Variants in FXR1 observed in about 807,000 individuals in gnomAD.
FXR1 encodes the protein FMR1 autosomal homolog 1, also known as RNA-binding protein FXR1.
In FXR1, 15 loss-of-function variants were observed where a neutral mutation model predicts 84.0. The observed-to-expected ratio is 0.18, with a 90% CI of 0.12 to 0.27. The LOEUF is 0.27. Ranked by LOEUF, FXR1 falls within the 10% of genes least tolerant of loss-of-function variation. The pLI, the probability that FXR1 is intolerant of heterozygous loss-of-function variation, is 1.00. For synonymous variants in FXR1, 245 were observed against 250.7 expected (o/e 0.98, Z 0.21); for missense variants, 480 against 774.4 (o/e 0.62, Z 4.51).
intron 1 of FXR1, among the ~76,000 whole-genome samples, chr3:180,929,769 A>G (rs1193836363): frequency 1.3e-5 from 2 of 152,256 alleles, no homozygotes; most frequent in Admixed American, 1.3e-4. Flanking sequence ...AAAAGTATTG[A>G]CTGTGTCCTG....
chr3:180,928,455 A>G (rs1486084661), intron 1 of FXR1, among the ~76,000 whole-genome samples: 5 of 146,848 alleles, frequency 3.4e-5, no homozygotes, highest in African/African-American at 1.3e-4. Context: ...AAACACATAC[A>G]CACTGTTAAT....
At chr3:180,935,009 T>C (rs922853440) in intron 2 of FXR1, 129 bp from the exon 3 acceptor site, 5 of 543,928 alleles carry the variant, frequency 9.2e-6, no homozygotes, top group Non-Finnish European at 1.7e-5. Context: ...GGGAAATTAT[T>C]AATAGTATGA....
At position 180,977,176 on chromosome 3, in the gene FXR1, C is replaced by A. The variant is rs1714325060; in HGVS notation, c.*884C>A. 2 of 141,864 alleles carry A rather than the reference C, an allele frequency of 1.4e-5. No homozygotes were observed. Among genetic ancestry groups the A allele is most frequent in the African/African-American group, 5.3e-5 (2 of 37,938 alleles). 8.8% of individuals were successfully genotyped at this position (141,864 alleles called of 1,614,324 possible). On this transcript the variant is annotated 3_prime_UTR_variant, in exon 17 of 17. Transcript: ENST00000357559. ...CCATTTGCTGAATTTTTTTAACTTT[C>A]TACTTTTTACACCAATTGTTGCAAA...
At chr3:180,924,342 A>G (rs1267340599) in intron 1 of FXR1, among the ~76,000 whole-genome samples, 1 of 152,162 alleles carries the variant, frequency 6.6e-6, no homozygotes, top group African/African-American at 2.4e-5. Flanking sequence ...CATTCTAGAT[A>G]TATGTGAGAG....
intron 7 of FXR1, among the ~76,000 whole-genome samples, chr3:180,951,080 G>A (rs1722189387): frequency 6.6e-6 from 1 of 151,902 alleles, no homozygotes; most frequent in Non-Finnish European, 1.5e-5. Flanking sequence ...AAAATTAGCT[G>A]GGCTCAGTGG....
At chr3:180,934,134 A>G (rs17537540) in intron 2 of FXR1, among the ~76,000 whole-genome samples, 1,842 of 152,198 alleles carry the variant, frequency 0.012, 27 homozygotes, top group South Asian at 0.033. Context: ...TGTTTAATTG[A>G]TGGTCAGAAA....
Position 180,975,360 on chromosome 3 carries a change from A to G in FXR1, c.1651A>G (p.Arg551Gly). Residue 551 changes from arginine (R) to glycine (G), a missense_variant, in exon 16 of 17, where the codon AGA becomes GGA. By Grantham distance (125) the Arg-to-Gly change is moderately radical. Coordinates refer to ENST00000357559, the MANE Select transcript of FXR1 (RefSeq NM_005087.4). ...TAGAGCTGAGTCTCAGAGCAGACAA[A>G]GAAACCTCCCAAGGGAAACTTTGGC... Reference protein sequence around the residue: ...ISRAESQSRQRNLPRETLAKN... With the variant: ...ISRAESQSRQGNLPRETLAKN... 1.3e-6 allele frequency: 2 copies of G among 1,550,188 alleles called. No homozygotes were observed. The highest frequency in any genetic ancestry group is 1.2e-5 in the South Asian group (1 of 86,410).
intron 1 of FXR1, among the ~76,000 whole-genome samples, chr3:180,914,409 T>G (rs930594014): frequency 1.3e-5 from 2 of 152,166 alleles, no homozygotes; most frequent in African/African-American, 4.8e-5. Context: ...TATTTGGCCC[T>G]GTAGTTCTTG....
chr3:180,969,801 C>T (rs551099164), intron 14 of FXR1, among the ~76,000 whole-genome samples: 64 of 152,226 alleles, frequency 4.2e-4, no homozygotes, highest in African/African-American at 1.5e-3. Flanking sequence ...TGTTTCTTTT[C>T]ATTTTTGTTT....
chr3:180,951,875 T>C (rs1236161324), intron 8 of FXR1, among the ~76,000 whole-genome samples: 1 of 152,138 alleles, frequency 6.6e-6, no homozygotes, highest in African/African-American at 2.4e-5. Flanking sequence ...AATCATGACG[T>C]TTGCAGGGGT....
chr3:180,944,321 T>TGG (rs1196155348), intron 3 of FXR1, among the ~76,000 whole-genome samples: 3 of 143,460 alleles, frequency 2.1e-5, no homozygotes, highest in Admixed American at 6.9e-5. Flanking sequence ...AGGTCGTTAT[T>TGG]GGACCTTTTT....
intron 8 of FXR1, among the ~76,000 whole-genome samples, chr3:180,952,551 C>T (rs1388376348): frequency 6.6e-6 from 1 of 150,792 alleles, no homozygotes; most frequent in Non-Finnish European, 1.5e-5. Flanking sequence ...AGAGCAAGGT[C>T]CTGTCTTGTT....
intron 10 of FXR1, among the ~76,000 whole-genome samples, chr3:180,958,802 GA>G (rs1711680353): frequency 6.8e-6 from 1 of 146,474 alleles, no homozygotes; most frequent in African/African-American, 2.5e-5. Context: ...TGAAAGTATT[GA>G]CTTTTTTTTT....
intron 1 of FXR1, among the ~76,000 whole-genome samples, chr3:180,921,490 A>G (rs1718587359): frequency 6.6e-6 from 1 of 152,182 alleles, no homozygotes; most frequent in South Asian, 2.1e-4. Flanking sequence ...TTTACTTTGT[A>G]GATTTAGTTG....
Position 180,978,094 on chromosome 3 carries a change from A to T in FXR1, c.*1802A>T, listed in dbSNP as rs1242686431. 2 of 152,014 alleles carry T rather than the reference A, an allele frequency of 1.3e-5. No homozygotes were observed. Among genetic ancestry groups the T allele is most frequent in the East Asian group, 3.9e-4 (2 of 5,170 alleles). 9.4% of individuals were successfully genotyped at this position (152,014 alleles called of 1,614,324 possible). A position where few individuals can be genotyped will look rare whatever the true frequency, so the allele number is the denominator to read the frequency against. The stretch of plus-strand genomic sequence containing the variant: ...ATCGATCAAAGCTAGCAACAGGTTA[A>T]ATTGTCTCAGTTCTCTTACATAATT... On this transcript the variant is annotated 3_prime_UTR_variant, in exon 17 of 17. Coordinates refer to ENST00000357559, the MANE Select transcript of FXR1 (RefSeq NM_005087.4).
intron 9 of FXR1, among the ~76,000 whole-genome samples, chr3:180,956,189 C>T (rs1388663994): frequency 6.6e-6 from 1 of 152,078 alleles, no homozygotes; most frequent in East Asian, 1.9e-4. Context: ...ATGACCATTC[C>T]CACCCCTCCC....
intron 10 of FXR1, 94 bp from the exon 11 acceptor site, chr3:180,961,365 AAAGGTGTGT>A: frequency 3.7e-6 from 1 of 268,986 alleles, no homozygotes; most frequent in Non-Finnish European, 6.5e-6. Context: ...AAAAAAAAAA[AAAGGTGTGT>A]GTGTGTGTGC....
chr3:180,961,369 G>GAAAA (rs1712089183), intron 10 of FXR1, 99 bp from the exon 11 acceptor site: 1 of 76,968 alleles, frequency 1.3e-5, no homozygotes, highest in Admixed American at 1.9e-4. Context: ...AAAAAAAAAG[G>GAAAA]TGTGTGTGTG....
At chr3:180,933,076 G>A (rs575139191) in intron 1 of FXR1, 7 of 409,908 alleles carry the variant, frequency 1.7e-5, no homozygotes, top group Non-Finnish European at 3.0e-5. Flanking sequence ...TAATACCTGA[G>A]GTGTTCCAGG....
Sources: allele counts gnomAD v4.1 joint callset (sites outside exome capture counted in the v4.1 genomes callset), GRCh38; gene constraint gnomAD v4.1.1; transcripts MANE v1.5; gene names NCBI Gene and HGNC (gene_info 2026-07-23, HGNC 2026-07-21).